Variants in PDE4C observed in about 807,000 individuals in gnomAD.
PDE4C encodes the protein 3',5'-cyclic-AMP phosphodiesterase 4C.
Under a neutral mutation model 63.9 loss-of-function variants are expected in PDE4C, and 50 were observed. That is an observed-to-expected ratio of 0.78 (90% CI 0.62 to 0.99). The LOEUF is 0.99. Among genes scored for constraint, PDE4C ranks in the 50% least tolerant of loss-of-function variants. The pLI is 0.00. For synonymous variants in PDE4C, 377 were observed against 385.1 expected (o/e 0.98, Z 0.25); for missense variants, 777 against 899.1 (o/e 0.86, Z 1.74).
At chr19:18,231,285 GCA>G (rs879687831), upstream of PDE4C, among the ~76,000 whole-genome samples, 3 of 152,214 alleles carry the variant, frequency 2.0e-5, no homozygotes, top group Non-Finnish European at 4.4e-5. Flanking sequence ...ACGTGTGTGT[GCA>G]CACACACGTG....
At chr19:18,252,098 G>A (rs542316601), upstream of PDE4C, 24 of 399,138 alleles carry the variant, frequency 6.0e-5, no homozygotes, top group East Asian at 7.8e-4. Flanking sequence ...GGTCAGTGGA[G>A]GTCAAGGGCT....
Position 18,211,286 on chromosome 19 carries a change from G to C in PDE4C, c.1696-10C>G. 2 of 1,553,322 alleles carry C rather than the reference G, an allele frequency of 1.3e-6. No homozygotes were observed. The highest frequency in any genetic ancestry group is 2.5e-5 in the South Asian group (2 of 81,392). ...AGTCAATGAAACCCACCTGTGGCGG[G>C]GGGTGGGGCATGTCGGCATTTGGTG... On this transcript the variant is annotated splice_polypyrimidine_tract_variant and intron_variant, in intron 14 of 14. Transcript: ENST00000262805.
chr19:18,223,642 C>A (rs1472855864), intron 1 of PDE4C, among the ~76,000 whole-genome samples: 1 of 152,240 alleles, frequency 6.6e-6, no homozygotes, highest in Non-Finnish European at 1.5e-5. Flanking sequence ...CCGCACCCGG[C>A]CTCTCCTGTT....
At position 18,220,511 on chromosome 19, in the gene PDE4C, G is replaced by A. The variant is rs745761188; in HGVS notation, c.504C>T (p.Asp168=). ...TCTCCAATGCCAGCTTCTGCCCCGT[G>A]TCCTCTGGGAGCCGAGGCAGTCAGG... The change falls in exon 6 of 15, where the codon GAC becomes GAT. Residue 168 remains aspartate, a synonymous_variant. Coordinates refer to ENST00000262805, the Ensembl canonical transcript of PDE4C. This position sits in a 1 kb window ranked among gnomAD's most constrained non-coding sequence, Gnocchi z 5.1. 3.1e-6 allele frequency: 5 copies of A among 1,612,246 alleles called. No homozygotes were observed. The highest frequency in any genetic ancestry group is 1.6e-4 in the Middle Eastern group (1 of 6,082).
At chr19:18,222,703 T>TTTTC (rs1217985136) in intron 1 of PDE4C, among the ~76,000 whole-genome samples, 6 of 132,946 alleles carry the variant, frequency 4.5e-5, no homozygotes, top group Admixed American at 8.2e-5. Flanking sequence ...TTCTTTTCTT[T>TTTTC]TTTTTTTTTT....
downstream of PDE4C, chr19:18,208,429 GGTAA>G (rs1967778658): frequency 6.6e-6 from 1 of 152,190 alleles, no homozygotes; most frequent in Non-Finnish European, 1.5e-5. Flanking sequence ...GGCGAGGTGC[GGTAA>G]GTGGGACCAT....
upstream of PDE4C, among the ~76,000 whole-genome samples, chr19:18,251,649 G>A (rs183049025): frequency 0.028 from 3,108 of 111,884 alleles, 139 homozygotes; most frequent in African/African-American, 0.09. Flanking sequence ...TGGCCAGGCT[G>A]GTCTTGAACT....
chr19:18,252,249 G>A (rs1297230797), upstream of PDE4C: 4 of 399,044 alleles, frequency 1.0e-5, no homozygotes, highest in East Asian at 1.4e-4. Context: ...TTGTGGGGAG[G>A]AGGGTATCAT....
At chr19:18,211,344 C>G in intron 14 of PDE4C, 68 bp from the exon 15 acceptor site, 1 of 1,349,422 alleles carries the variant, frequency 7.4e-7, no homozygotes, top group Non-Finnish European at 1.0e-6. Flanking sequence ...AATCCAGCCT[C>G]CAGATCTTTA....
At chr19:18,241,267 T>G (rs1296477636) in intron 1 of PDE4C, among the ~76,000 whole-genome samples, 2 of 96,840 alleles carry the variant, frequency 2.1e-5, no homozygotes, top group Admixed American at 1.0e-4. Flanking sequence ...TTTTTTTTTT[T>G]TTTTTTTTTT....
At chr19:18,226,652 C>T (rs776207209), upstream of PDE4C, among the ~76,000 whole-genome samples, 1 of 141,420 alleles carries the variant, frequency 7.1e-6, no homozygotes, top group Non-Finnish European at 1.5e-5. Flanking sequence ...GTTGCCCAGG[C>T]TGGAGTGCAG....
upstream of PDE4C, among the ~76,000 whole-genome samples, chr19:18,251,124 G>C (rs539491838): frequency 8.7e-5 from 12 of 137,974 alleles, no homozygotes; most frequent in Non-Finnish European, 1.3e-4. Context: ...TTTTGAGATA[G>C]AGTCTTTTTT....
rs901038238 is a variant in PDE4C, at chr19:18,220,582, T to A, written c.500-67A>T. 1 of 1,360,454 alleles carries A rather than the reference T, an allele frequency of 7.4e-7. No homozygotes were observed. The highest frequency in any genetic ancestry group is 1.4e-5 in the African/African-American group (1 of 69,338). 84.3% of individuals were successfully genotyped at this position (1,360,454 alleles called of 1,614,324 possible). On this transcript the variant is annotated intron_variant, in intron 5 of 14. Transcript: ENST00000262805. The surrounding 1 kb of genome is among the most constrained non-coding windows in gnomAD (Gnocchi z 5.1). ...TCAGGGACCCCACGCCTCTCGCGAC[T>A]TCGTCTCTTCATCTGGACCCTGAAA... is the stretch of plus-strand genomic sequence containing the variant.
intron 4 of PDE4C, 57 bp downstream of exon 4, chr19:18,221,048 T>G: frequency 4.9e-6 from 3 of 607,680 alleles, no homozygotes; most frequent in Non-Finnish European, 7.4e-6. Context: ...GCAGCCCGCT[T>G]TCCGCCCACC....
the PDE4C span, among the ~76,000 whole-genome samples, chr19:18,254,421 G>T: frequency 1.3e-5 from 2 of 152,300 alleles, no homozygotes; most frequent in South Asian, 4.1e-4. Context: ...TTGACCAGAA[G>T]GTAAAAATAA....
exon 13 of PDE4C, chr19:18,213,473 C>T (rs748536731): frequency 1.2e-6 from 2 of 1,612,796 alleles, no homozygotes; most frequent in East Asian, 2.2e-5. Context: ...TGTGTTTGGA[C>T]ATGTCTGTGG....
At chr19:18,224,733 C>T (rs190640797) in intron 1 of PDE4C, among the ~76,000 whole-genome samples, 1 of 152,370 alleles carries the variant, frequency 6.6e-6, no homozygotes, top group Non-Finnish European at 1.5e-5. Context: ...CCTGTTCCGT[C>T]CGACTCCAGC....
At chr19:18,252,130 T>C (rs2302945), upstream of PDE4C, 2 of 398,398 alleles carry the variant, frequency 5.0e-6, no homozygotes, top group Non-Finnish European at 8.8e-6. Context: ...CTGTGGGAAG[T>C]GGGGCTCCAG....
intron 1 of PDE4C, among the ~76,000 whole-genome samples, chr19:18,247,620 G>A (rs551456567): frequency 1.3e-5 from 2 of 152,192 alleles, no homozygotes; most frequent in African/African-American, 2.4e-5. Flanking sequence ...CTCAGTAGAG[G>A]GTCTCTGGGA....
Sources: gnomAD v4.1 joint callset for allele counts (sites outside exome capture counted in the v4.1 genomes callset) on GRCh38, gnomAD v4.1.1 for gene constraint, Gnocchi (gnomAD v3.1) non-coding constraint, MANE v1.5 for transcripts, NCBI Gene and HGNC (gene_info 2026-07-23, HGNC 2026-07-21) for gene names.